Variants in SLC39A11 observed in about 807,000 individuals in gnomAD.
The protein encoded by SLC39A11 is solute carrier family 39 member 11, also known as zinc transporter ZIP11.
Under a neutral mutation model 36.1 loss-of-function variants are expected in SLC39A11, and 33 were observed. That is an observed-to-expected ratio of 0.91 (90% confidence interval 0.69 to 1.22). The LOEUF (loss-of-function observed/expected upper bound fraction) is 1.22. SLC39A11 is among the 50% of genes most tolerant of loss of function. The pLI is 0.00. For missense variants in SLC39A11, 432 were observed against 430.3 expected (o/e 1.00, Z -0.03); for synonymous variants, 166 against 170.3 (o/e 0.97, Z 0.20).
intron 7 of SLC39A11, among the ~76,000 whole-genome samples, chr17:72,676,702 T>A (rs2071275682): frequency 6.6e-6 from 1 of 152,222 alleles, no homozygotes; most frequent in South Asian, 2.1e-4. Flanking sequence ...TTGCTGTACC[T>A]AAACAGTTTG....
At chr17:73,018,755 T>C (rs958564413) in intron 4 of SLC39A11, among the ~76,000 whole-genome samples, 5 of 149,378 alleles carry the variant, frequency 3.3e-5, no homozygotes, top group Non-Finnish European at 5.9e-5. Flanking sequence ...AAAATAGAGA[T>C]CCTCAACAAC....
intron 6 of SLC39A11, among the ~76,000 whole-genome samples, chr17:72,764,847 T>C (rs544501696): frequency 6.6e-6 from 1 of 152,246 alleles, no homozygotes; most frequent in East Asian, 1.9e-4. Flanking sequence ...CAAAAAGTCA[T>C]CCATCCAGTG....
intron 7 of SLC39A11, among the ~76,000 whole-genome samples, chr17:72,715,701 A>G (rs996207898): frequency 2.6e-5 from 4 of 152,034 alleles, no homozygotes; most frequent in Non-Finnish European, 5.9e-5. Flanking sequence ...ACCATGTACC[A>G]TCTTTTTTTA....
intron 4 of SLC39A11, among the ~76,000 whole-genome samples, chr17:73,013,692 ATT>A (rs71154944): frequency 2.0e-4 from 30 of 150,442 alleles, no homozygotes; most frequent in South Asian, 4.2e-4. Flanking sequence ...AGGTTTTGTG[ATT>A]TTTTTTTTTT....
At chr17:73,013,568 C>T (rs2090643898) in intron 4 of SLC39A11, among the ~76,000 whole-genome samples, 1 of 152,214 alleles carries the variant, frequency 6.6e-6, no homozygotes, top group Non-Finnish European at 1.5e-5. Flanking sequence ...TGTACTTTGC[C>T]AGCCCTCCCT....
At chr17:73,064,643 A>G (rs1252560086) in intron 3 of SLC39A11, among the ~76,000 whole-genome samples, 1 of 152,116 alleles carries the variant, frequency 6.6e-6, no homozygotes, top group Non-Finnish European at 1.5e-5. Context: ...TCCCCCCTCT[A>G]AGGAAAGCAG....
chr17:72,970,593 T>C (rs1171258119), intron 4 of SLC39A11, among the ~76,000 whole-genome samples: 1 of 152,212 alleles, frequency 6.6e-6, no homozygotes, highest in African/African-American at 2.4e-5. Context: ...TTTGACATCT[T>C]GCTGGGGGCA....
chr17:73,022,074 C>T (rs2058370627), intron 4 of SLC39A11, among the ~76,000 whole-genome samples: 1 of 152,250 alleles, frequency 6.6e-6, no homozygotes, highest in South Asian at 2.1e-4. Context: ...CTCTGTGCCA[C>T]TGACTGCAAA....
intron 4 of SLC39A11, among the ~76,000 whole-genome samples, chr17:72,980,037 C>G (rs1048847500): frequency 7.9e-5 from 12 of 152,194 alleles, no homozygotes; most frequent in Non-Finnish European, 1.8e-4. Flanking sequence ...CCCCAGCCAC[C>G]CTGCTCTGTT....
rs148027541 is a variant in SLC39A11, at chr17:72,766,963, T to C, written c.602-30244A>G. On this transcript the variant is annotated intron_variant, in intron 6 of 9. Transcript: ENST00000255559. ...AGCTGGAGAGATGTCACCCTCAAGA[T>C]AACCTCCCCTCCGACCAGAGACATT... is the stretch of plus-strand genomic sequence containing the variant. 1.1e-3 allele frequency among the ~76,000 whole-genome samples: 164 copies of C among 152,052 alleles called. 1 individual carries two copies. Among genetic ancestry groups the C allele is most frequent in the Non-Finnish European group, 1.0e-3 (71 of 67,962 alleles).
At chr17:72,673,113 T>C (rs917669245) in intron 7 of SLC39A11, among the ~76,000 whole-genome samples, 5 of 152,088 alleles carry the variant, frequency 3.3e-5, no homozygotes, top group African/African-American at 1.2e-4. Context: ...GTTGTTGTTG[T>C]GGTTTTTGAG....
At chr17:72,958,295 G>C (rs973682451) in intron 4 of SLC39A11, among the ~76,000 whole-genome samples, 1 of 152,190 alleles carries the variant, frequency 6.6e-6, no homozygotes, top group African/African-American at 2.4e-5. Flanking sequence ...CTAGACATTG[G>C]TTTAGGCAAG....
At chr17:72,925,232 G>T (rs1345440365) in intron 5 of SLC39A11, among the ~76,000 whole-genome samples, 1 of 152,120 alleles carries the variant, frequency 6.6e-6, no homozygotes, top group Non-Finnish European at 1.5e-5. Flanking sequence ...TTGGTTCACA[G>T]CTCTCTAGAT....
At chr17:73,081,701 G>A (rs559778536) in intron 3 of SLC39A11, among the ~76,000 whole-genome samples, 41 of 115,320 alleles carry the variant, frequency 3.6e-4, no homozygotes, top group South Asian at 1.3e-3. Flanking sequence ...ATATATGTAT[G>A]TATATATATA....
intron 3 of SLC39A11, among the ~76,000 whole-genome samples, chr17:73,056,788 T>C (rs2059683397): frequency 6.6e-6 from 1 of 152,170 alleles, no homozygotes; most frequent in African/African-American, 2.4e-5. Flanking sequence ...TCCTGCCAAT[T>C]TCATGTACAA....
rs1166592268 is a variant in SLC39A11 at position 72,646,062 on chromosome 17, A to G, written c.*1522T>C. The G allele has an allele frequency of 2.0e-5, 3 of 152,780 alleles. No individual in the cohort carries two copies. In the East Asian group the frequency reaches 5.8e-4, roughly 29 times the overall value. 9.5% of individuals were successfully genotyped at this position (152,780 alleles called of 1,614,324 possible). Reference sequence around the variant, plus strand: ...ACAAAGACATAAAAATAAAACATACATACACCAACCACCACACCAGTTAAT... The same window carrying G: ...ACAAAGACATAAAAATAAAACATACGTACACCAACCACCACACCAGTTAAT... On this transcript the variant is annotated 3_prime_UTR_variant, in exon 10 of 10. Transcript: ENST00000255559.
chr17:72,777,422 C>A (rs774041973), intron 6 of SLC39A11, among the ~76,000 whole-genome samples: 50 of 152,124 alleles, frequency 3.3e-4, no homozygotes, highest in Non-Finnish European at 5.9e-4. Flanking sequence ...AAGGTCTTTA[C>A]AGATGTAAAC....
intron 7 of SLC39A11, among the ~76,000 whole-genome samples, chr17:72,698,988 A>G (rs1442073250): frequency 1.3e-3 from 196 of 151,982 alleles, no homozygotes; most frequent in Non-Finnish European, 1.9e-3. Context: ...CCGCCACCAC[A>G]CCTAGATAAT....
intron 6 of SLC39A11, among the ~76,000 whole-genome samples, chr17:72,769,550 TTTC>T (rs1280737260): frequency 6.6e-6 from 1 of 152,038 alleles, no homozygotes; most frequent in Admixed American, 6.6e-5. Context: ...CTTTTTTTTT[TTTC>T]TTCTTTTTTT....
Sources: allele counts gnomAD v4.1 joint callset (sites outside exome capture counted in the v4.1 genomes callset), GRCh38; gene constraint gnomAD v4.1.1; transcripts MANE v1.5; gene names NCBI Gene and HGNC (gene_info 2026-07-23, HGNC 2026-07-21).